TRIQK: variants seen among roughly 807,000 people sequenced by gnomAD.
The protein encoded by TRIQK is triple QxxK/R motif-containing protein.
A neutral mutation model predicts 10.8 loss-of-function variants in TRIQK; 10 were observed. The observed-to-expected ratio is 0.92, with a 90% CI of 0.57 to 1.57. The LOEUF (loss-of-function observed/expected upper bound fraction) is 1.57, where lower values mean the gene tolerates loss of function less well. Among genes scored for constraint, TRIQK ranks in the 40% most tolerant of loss-of-function variants. The pLI, the probability that TRIQK is intolerant of heterozygous loss-of-function variation, is 0.00. For synonymous variants in TRIQK, 33 were observed against 33.7 expected (o/e 0.98, Z 0.07); for missense variants, 107 against 97.7 (o/e 1.09, Z -0.40).
At chr8:92,981,651 G>A (rs911051010) in intron 1 of TRIQK, among the ~76,000 whole-genome samples, 1 of 151,772 alleles carries the variant, frequency 6.6e-6, no homozygotes, top group African/African-American at 2.4e-5. Flanking sequence ...GCTGTTTACT[G>A]TAAATTCTAA....
At chr8:92,900,946 T>C (rs141521393) in intron 3 of TRIQK, among the ~76,000 whole-genome samples, 113 of 152,222 alleles carry the variant, frequency 7.4e-4, no homozygotes, top group African/African-American at 2.7e-3. Flanking sequence ...ATTATAGAAA[T>C]CTTTAACTTA....
chr8:92,987,442 T>G (rs981839241), intron 1 of TRIQK, among the ~76,000 whole-genome samples: 5 of 152,228 alleles, frequency 3.3e-5, no homozygotes, highest in Non-Finnish European at 7.3e-5. Context: ...ATGTATAGGC[T>G]TATATGTGTG....
At chr8:92,981,598 T>C (rs1482706580) in intron 1 of TRIQK, among the ~76,000 whole-genome samples, 2 of 151,890 alleles carry the variant, frequency 1.3e-5, no homozygotes, top group Non-Finnish European at 2.9e-5. Context: ...AATTCCTATG[T>C]TATATTAAGT....
At chr8:92,976,696 A>G (rs1812934449) in intron 1 of TRIQK, among the ~76,000 whole-genome samples, 1 of 151,842 alleles carries the variant, frequency 6.6e-6, no homozygotes, top group South Asian at 2.1e-4. Context: ...TATACGTTCA[A>G]TCCCTTCTTT....
intron 1 of TRIQK, among the ~76,000 whole-genome samples, chr8:93,016,900 G>A (rs1813389098): frequency 6.6e-6 from 1 of 152,002 alleles, no homozygotes; most frequent in Admixed American, 6.6e-5. Flanking sequence ...AAAAATGTAT[G>A]GCATATGCAT....
intron 1 of TRIQK, among the ~76,000 whole-genome samples, chr8:92,985,220 C>CTG (rs34545263): frequency 1.4e-3 from 207 of 151,320 alleles, no homozygotes; most frequent in Admixed American, 3.4e-3. Flanking sequence ...GTGAGATTAT[C>CTG]TGTGTGTGTG....
rs370062247 is a variant in TRIQK, at chr8:92,975,721, T to C, written c.-180-21157A>G. Among the ~76,000 whole-genome samples, 7 of 152,156 alleles carry C rather than the reference T, an allele frequency of 4.6e-5. No homozygotes were observed. In the East Asian group the frequency reaches 1.2e-3, roughly 25 times the overall value. ...ATTTTTCTGCTAACTTTGGATTTAA[T>C]TTGCTCTTCTTGTTTTAGTTACTTT... is the stretch of plus-strand genomic sequence containing the variant. On this transcript the variant is annotated intron_variant, in intron 1 of 4. Coordinates refer to the TRIQK transcript ENST00000520686.
intron 2 of TRIQK, among the ~76,000 whole-genome samples, chr8:92,923,358 G>A (rs1810283491): frequency 6.6e-6 from 1 of 151,580 alleles, no homozygotes; most frequent in South Asian, 2.1e-4. Flanking sequence ...GATGCGGAAA[G>A]GGAATAACAG....
intron 1 of TRIQK, among the ~76,000 whole-genome samples, chr8:93,006,213 T>C (rs1813269724): frequency 6.6e-6 from 1 of 151,922 alleles, no homozygotes; most frequent in Non-Finnish European, 1.5e-5. Flanking sequence ...GGCTCCCATC[T>C]AGAAGAACGA....
upstream of TRIQK, among the ~76,000 whole-genome samples, chr8:92,970,534 G>A (rs1812864191): frequency 6.6e-6 from 1 of 152,124 alleles, no homozygotes; most frequent in African/African-American, 2.4e-5. Flanking sequence ...GGTTTTGTTT[G>A]CATTTCTCTA....
chr8:93,015,028 A>C (rs1162303019), intron 1 of TRIQK, among the ~76,000 whole-genome samples: 2 of 152,062 alleles, frequency 1.3e-5, no homozygotes, highest in Non-Finnish European at 2.9e-5. Context: ...TATTCAAGAT[A>C]TATAAACATT....
intron 1 of TRIQK, among the ~76,000 whole-genome samples, chr8:92,981,004 A>C (rs1359577368): frequency 6.6e-6 from 1 of 151,260 alleles, no homozygotes; most frequent in East Asian, 1.9e-4. Context: ...TAGGTGCATA[A>C]ATTTTTCTCT....
At chr8:92,983,368 T>C (rs1198378616) in intron 1 of TRIQK, among the ~76,000 whole-genome samples, 1 of 152,030 alleles carries the variant, frequency 6.6e-6, no homozygotes, top group Non-Finnish European at 1.5e-5. Flanking sequence ...TTTCAGTGGC[T>C]TAACATAGTA....
At chr8:92,888,923 G>GA (rs1232207694) in intron 4 of TRIQK, among the ~76,000 whole-genome samples, 1 of 151,078 alleles carries the variant, frequency 6.6e-6, no homozygotes, top group Non-Finnish European at 1.5e-5. Context: ...TTTGCATTCT[G>GA]AAAAAAAAGT....
intron 1 of TRIQK, among the ~76,000 whole-genome samples, chr8:93,006,339 C>A (rs921755341): frequency 6.6e-6 from 1 of 152,164 alleles, no homozygotes; most frequent in African/African-American, 2.4e-5. Flanking sequence ...AGACAGACCA[C>A]CTGGGAAAGG....
At chr8:92,949,820 AAGAAAGAAAGAAAGAAAG>A (rs1811789772) in intron 2 of TRIQK, among the ~76,000 whole-genome samples, 3 of 139,926 alleles carry the variant, frequency 2.1e-5, no homozygotes, top group Admixed American at 6.9e-5. Context: ...GAAAGAAAGA[AAGAAAGAAAGAAAGAAAG>A]AAAGGGAGAG....
At chr8:92,969,952 T>TCC (rs1359207241), upstream of TRIQK, among the ~76,000 whole-genome samples, 2 of 151,988 alleles carry the variant, frequency 1.3e-5, no homozygotes, top group Non-Finnish European at 2.9e-5. Flanking sequence ...CTCCAAATCC[T>TCC]CCCCTAGCAG....
rs1812331897 is a variant in TRIQK, at chr8:92,959,373, A to G, written c.-180-4809T>C. On this transcript the variant is annotated intron_variant, in intron 1 of 4. Transcript: ENST00000521988. ...GTCGTTCTTATTGAATTAATTGTGT[A>G]GTATTATCTTCTCATGCAAACAATG... Among the ~76,000 whole-genome samples the G allele has an allele frequency of 1.3e-5, 2 of 151,950 alleles. 1 individual carries two copies. Among genetic ancestry groups the G allele is most frequent in the South Asian group, 4.1e-4 (2 of 4,832 alleles).
At chr8:92,987,340 T>C (rs1480144433) in intron 1 of TRIQK, among the ~76,000 whole-genome samples, 1 of 152,202 alleles carries the variant, frequency 6.6e-6, no homozygotes, top group Non-Finnish European at 1.5e-5. Context: ...TTCTAGATTC[T>C]CCAAAGAATG....
Sources: allele counts gnomAD v4.1 joint callset (sites outside exome capture counted in the v4.1 genomes callset), GRCh38; gene constraint gnomAD v4.1.1; transcripts MANE v1.5; gene names NCBI Gene and HGNC (gene_info 2026-07-23, HGNC 2026-07-21).